The following PDE3B variants were observed in gnomAD, a reference collection of about 807,000 sequenced individuals.
PDE3B encodes the protein phosphodiesterase 3B.
Under a neutral mutation model 116.8 loss-of-function variants are expected in PDE3B, and 66 were observed. That is an observed-to-expected ratio of 0.56 (90% CI 0.46 to 0.69). The LOEUF is 0.69. Among genes scored for constraint, PDE3B ranks in the 30% least tolerant of loss-of-function variants. The pLI is 0.00. For missense variants in PDE3B, 1,384 were observed against 1,368.1 expected (o/e 1.01, Z -0.18); for synonymous variants, 595 against 533.6 (o/e 1.12, Z -1.59).
At chr11:14,745,227 T>A (rs1317822951) in intron 1 of PDE3B, among the ~76,000 whole-genome samples, 1 of 152,224 alleles carries the variant, frequency 6.6e-6, no homozygotes, top group Non-Finnish European at 1.5e-5. Context: ...CTGAATTCTG[T>A]AATTAAATAT....
intron 1 of PDE3B, among the ~76,000 whole-genome samples, chr11:14,731,400 AG>A (rs1241134423): frequency 1.3e-5 from 2 of 151,824 alleles, no homozygotes; most frequent in Non-Finnish European, 2.9e-5. Flanking sequence ...CTGGGACTGC[AG>A]GTGCCCGCCA....
chr11:14,649,399 T>C (rs752061838), intron 1 of PDE3B, among the ~76,000 whole-genome samples: 13 of 152,170 alleles, frequency 8.5e-5, no homozygotes, highest in Admixed American at 2.0e-4. Flanking sequence ...ACAAGGAAAA[T>C]AAATTGAACT....
In PDE3B at chr11:14,761,276, TTGTG is replaced by T. The variant is rs1362564628; in HGVS notation, c.979-10658_979-10655del. Among the ~76,000 whole-genome samples, 3 of 152,166 alleles carry T rather than the reference TTGTG, an allele frequency of 2.0e-5. No individual in the cohort carries two copies. In the East Asian group the frequency reaches 5.8e-4, roughly 29 times the overall value. ...GGAATTATAAATGGTAATTTTTTCT[TTGTG>T]TGGCACTACCAAAAAGTGCAATGTT... On this transcript the variant is annotated intron_variant, in intron 1 of 15. Coordinates refer to ENST00000282096, the MANE Select transcript of PDE3B (RefSeq NM_000922.4).
the PDE3B span, among the ~76,000 whole-genome samples, chr11:14,895,310 A>T: frequency 6.6e-6 from 1 of 152,382 alleles, no homozygotes; most frequent in Middle Eastern, 3.4e-3. Context: ...AAGCTGAGCC[A>T]TACTGGAGGC....
intron 4 of PDE3B, among the ~76,000 whole-genome samples, chr11:14,795,834 T>C (rs1858534915): frequency 6.6e-6 from 1 of 152,156 alleles, no homozygotes; most frequent in Non-Finnish European, 1.5e-5. Flanking sequence ...TTTAATTTTG[T>C]TTGCATGTCT....
chr11:14,747,274 T>C (rs906157404), intron 1 of PDE3B, among the ~76,000 whole-genome samples: 1 of 152,172 alleles, frequency 6.6e-6, no homozygotes, highest in African/African-American at 2.4e-5. Context: ...AGCATGAGAT[T>C]TGGAGGGATA....
chr11:14,683,542 T>C (rs189270075), intron 1 of PDE3B, among the ~76,000 whole-genome samples: 159 of 152,176 alleles, frequency 1.0e-3, no homozygotes, highest in African/African-American at 3.6e-3. Context: ...ATTCTTGTTA[T>C]TGGTAATTTA....
At chr11:14,784,304 C>T (rs1392653614) in intron 2 of PDE3B, among the ~76,000 whole-genome samples, 1 of 152,146 alleles carries the variant, frequency 6.6e-6, no homozygotes, top group Non-Finnish European at 1.5e-5. Context: ...ATAGACTATC[C>T]TTCTTGTGAG....
intron 1 of PDE3B, among the ~76,000 whole-genome samples, chr11:14,756,802 A>ATTTT (rs372781887): frequency 8.5e-6 from 1 of 118,022 alleles, no homozygotes; most frequent in African/African-American, 2.5e-5. Context: ...TTAAGTGCTT[A>ATTTT]TTTTTTTTTT....
chr11:14,681,953 G>A (rs1349724205), intron 1 of PDE3B, among the ~76,000 whole-genome samples: 1 of 152,096 alleles, frequency 6.6e-6, no homozygotes, highest in Non-Finnish European at 1.5e-5. Flanking sequence ...TTGACTGGAA[G>A]CCTTACCATC....
chr11:14,709,341 A>G (rs1029937460), intron 1 of PDE3B, among the ~76,000 whole-genome samples: 1 of 151,764 alleles, frequency 6.6e-6, no homozygotes, highest in African/African-American at 2.4e-5. Flanking sequence ...TAACGTGCAC[A>G]TTTTTTTTCA....
intron 1 of PDE3B, among the ~76,000 whole-genome samples, chr11:14,726,918 T>C (rs1856322850): frequency 6.6e-6 from 1 of 152,156 alleles, no homozygotes. Context: ...GGAGGAAATG[T>C]AATCAAGGAA....
chr11:14,668,240 G>A (rs911800897), intron 1 of PDE3B, among the ~76,000 whole-genome samples: 3 of 151,942 alleles, frequency 2.0e-5, no homozygotes, highest in African/African-American at 7.3e-5. Flanking sequence ...TATTTAATTG[G>A]TACTTAGAGC....
intron 4 of PDE3B, among the ~76,000 whole-genome samples, chr11:14,795,056 G>T (rs1267422264): frequency 6.6e-6 from 1 of 152,134 alleles, no homozygotes; most frequent in South Asian, 2.1e-4. Context: ...GTCCTTTCTG[G>T]ATTTTTATAG....
At chr11:14,746,066 G>C (rs1236171287) in intron 1 of PDE3B, among the ~76,000 whole-genome samples, 1 of 152,190 alleles carries the variant, frequency 6.6e-6, no homozygotes, top group Non-Finnish European at 1.5e-5. Flanking sequence ...TCATCAGGAA[G>C]CCCTCTCATA....
chr11:14,825,153 A>G (rs1859648150), intron 7 of PDE3B, among the ~76,000 whole-genome samples: 1 of 152,188 alleles, frequency 6.6e-6, no homozygotes, highest in Non-Finnish European at 1.5e-5. Context: ...ACTAAATATG[A>G]AAGGAAGAAC....
rs181129221 is a variant in PDE3B, at chr11:14,661,849, T to C, written c.978+16796T>C. 1.9e-3 allele frequency among the ~76,000 whole-genome samples: 294 copies of C among 152,298 alleles called. 1 individual carries two copies. Among genetic ancestry groups the C allele is most frequent in the African/African-American group, 6.5e-3 (270 of 41,570 alleles). On this transcript the variant is annotated intron_variant, in intron 1 of 15. Coordinates refer to ENST00000282096, the MANE Select transcript of PDE3B (RefSeq NM_000922.4). ...CCACCACGGTTCAAGGAGGCCTGCC[T>C]GCTTCTGTAGGCTCCACCTCTGGGG...
chr11:14,676,095 C>T (rs995183446), intron 1 of PDE3B, among the ~76,000 whole-genome samples: 6 of 151,974 alleles, frequency 3.9e-5, no homozygotes, highest in East Asian at 3.9e-4. Context: ...ATGTTGAATG[C>T]CTTTTTATGT....
intron 2 of PDE3B, among the ~76,000 whole-genome samples, chr11:14,778,764 C>T (rs1301597113): frequency 6.6e-6 from 1 of 152,188 alleles, no homozygotes; most frequent in Non-Finnish European, 1.5e-5. Context: ...TGCCCCTTCT[C>T]CTCCAAAGGA....
Sources: allele counts gnomAD v4.1 joint callset (sites outside exome capture counted in the v4.1 genomes callset), GRCh38; gene constraint gnomAD v4.1.1; transcripts MANE v1.5; gene names NCBI Gene and HGNC (gene_info 2026-07-23, HGNC 2026-07-21).